NRDE2: variants seen among roughly 807,000 people sequenced by gnomAD.
The protein encoded by NRDE2 is NRDE-2, necessary for RNA interference, domain containing.
A neutral mutation model predicts 124.2 loss-of-function variants in NRDE2; 76 were observed. The ratio of observed to expected loss-of-function variants is 0.61; its 90% CI spans 0.51 to 0.74. The LOEUF is 0.74. Among genes scored for constraint, NRDE2 ranks in the 30% least tolerant of loss-of-function variants. NRDE2 has a pLI of 0.00. For missense variants in NRDE2, 1,314 were observed against 1,417.3 expected (o/e 0.93, Z 1.17); for synonymous variants, 489 against 528.1 (o/e 0.93, Z 1.01).
At chr14:90,309,598 C>T (rs567183303) in intron 4 of NRDE2, among the ~76,000 whole-genome samples, 7 of 152,286 alleles carry the variant, frequency 4.6e-5, no homozygotes, top group Admixed American at 4.6e-4. Context: ...CACACAGACT[C>T]CATCTGGGGG....
rs1270606628 is a variant in NRDE2 at position 90,274,836 on chromosome 14, A to ACCCCCCCC, written c.*3499_*3500insGGGGGGGG. The ACCCCCCCC allele has an allele frequency of 1.0e-4, 6 of 59,236 alleles. No individual in the cohort carries two copies. The highest frequency in any genetic ancestry group is 2.3e-4 in the Non-Finnish European group (6 of 26,642). The allele number at this position is 59,236 out of a possible 1,614,324, so 3.7% of individuals were successfully genotyped here. On this transcript the variant is annotated 3_prime_UTR_variant, in exon 14 of 14. Coordinates refer to ENST00000354366, the MANE Select transcript of NRDE2 (RefSeq NM_017970.4). ...CACACACACACACACACACACACAC[A>ACCCCCCCC]CACCCCAATACATATGAATTGATCT...
intron 1 of NRDE2, among the ~76,000 whole-genome samples, chr14:90,325,780 G>A (rs551984569): frequency 6.6e-6 from 1 of 152,234 alleles, no homozygotes; most frequent in Admixed American, 6.5e-5. Flanking sequence ...GCCCGCCTTG[G>A]CCTCCCAAAG....
chr14:90,269,198 C>T lies in NRDE2; in HGVS notation c.*9138G>A, dbSNP rs1194399757. 1 of 569,564 alleles carries T rather than the reference C, an allele frequency of 1.8e-6. No homozygotes were observed. The highest frequency in any genetic ancestry group is 3.2e-5 in the Admixed American group (1 of 31,662). The allele number at this position is 569,564 out of a possible 1,614,324, so 35.3% of individuals were successfully genotyped here. On this transcript the variant is annotated 3_prime_UTR_variant, in exon 14 of 14. Coordinates refer to ENST00000354366, the MANE Select transcript of NRDE2 (RefSeq NM_017970.4). ...ACACAGTAGGGATTAAGTTTCAACA[C>T]ATAAATTTGGGGAAATACATTCAGA... is the stretch of plus-strand genomic sequence containing the variant.
intron 1 of NRDE2, among the ~76,000 whole-genome samples, chr14:90,321,903 T>C (rs1885260221): frequency 6.6e-6 from 1 of 152,132 alleles, no homozygotes; most frequent in African/African-American, 2.4e-5. Flanking sequence ...GCTCTCTAGT[T>C]GGGAGTTCAG....
At position 90,288,338 on chromosome 14, in the gene NRDE2, T is replaced by C. The variant is rs554902904; in HGVS notation, c.3037A>G (p.Ser1013Gly). ...AAAAATCTCCTGGTTTTGCTGGCAC[T>C]GTGGGACTTATTCTGAATCTGTACA... ...SYVQIQNKSH[S>G]ASKTRRFFDT... The change falls in exon 11 of 14, where the codon AGT becomes GGT. Residue 1013 changes from serine to glycine, a missense_variant. Coordinates refer to ENST00000354366, the MANE Select transcript of NRDE2 (RefSeq NM_017970.4). The C allele has an allele frequency of 6.2e-7, 1 of 1,614,224 alleles. No homozygotes were observed. Among genetic ancestry groups the C allele is most frequent in the Admixed American group, 1.7e-5 (1 of 60,020 alleles).
chr14:90,315,306 G>C (rs1885004777), intron 3 of NRDE2, among the ~76,000 whole-genome samples: 1 of 151,906 alleles, frequency 6.6e-6, no homozygotes, highest in South Asian at 2.1e-4. Flanking sequence ...GGGAGGCGGA[G>C]GTTGCAGTGA....
At chr14:90,282,477 CAA>C (rs112128427) in intron 12 of NRDE2, among the ~76,000 whole-genome samples, 1 of 135,234 alleles carries the variant, frequency 7.4e-6, no homozygotes, top group Admixed American at 7.4e-5. Flanking sequence ...GACCCTATCT[CAA>C]AAAAAAAAAA....
At chr14:90,310,670 A>C (rs1385790397) in intron 4 of NRDE2, among the ~76,000 whole-genome samples, 2 of 152,034 alleles carry the variant, frequency 1.3e-5, no homozygotes, top group Non-Finnish European at 2.9e-5. Context: ...CAGGCATGTG[A>C]CAACATGCCC....
intron 6 of NRDE2, 141 bp from the exon 7 acceptor site, chr14:90,301,513 G>A (rs1282585236): frequency 4.2e-6 from 3 of 716,620 alleles, no homozygotes; most frequent in Middle Eastern, 2.6e-4. Flanking sequence ...TGTGATACAT[G>A]TCTTGATTTA....
chr14:90,279,056 A>G lies in NRDE2; in HGVS notation c.3369+6T>C. Reference sequence around the variant, plus strand: ...AGCTGAAGACACCATGGCCTTTAACACTTACCTTTGCCCAAGGGCAATTCT... The same window carrying G: ...AGCTGAAGACACCATGGCCTTTAACGCTTACCTTTGCCCAAGGGCAATTCT... On this transcript the variant is annotated splice_donor_region_variant and intron_variant, in intron 13 of 13. Coordinates refer to ENST00000354366, the MANE Select transcript of NRDE2 (RefSeq NM_017970.4). 6.2e-7 allele frequency: 1 copy of G among 1,603,414 alleles called. No homozygotes were observed.
At chr14:90,320,270 GA>G (rs1364792400) in intron 1 of NRDE2, among the ~76,000 whole-genome samples, 1 of 152,202 alleles carries the variant, frequency 6.6e-6, no homozygotes, top group Non-Finnish European at 1.5e-5. Context: ...GAGGCCTCAG[GA>G]AACTTACAAT....
rs975546360 is a variant in NRDE2, at chr14:90,288,812, C to T, written c.2563G>A (p.Glu855Lys). 2 of 1,614,144 alleles carry T rather than the reference C, an allele frequency of 1.2e-6. No individual in the cohort carries two copies. The highest frequency in any genetic ancestry group is 4.5e-5 in the East Asian group (2 of 44,876). Residue 855 changes from glutamate (E) to lysine (K), a missense_variant, in exon 11 of 14, where the codon GAG becomes AAG. Transcript: ENST00000354366. ...RAVHILTKLT[E>K]SSPYGPYTGQ... Reference sequence around the variant, plus strand: ...GTGTAGGGCCCATAGGGGCTGCTCTCAGTCAGCTTGGTTAATATGTGAACA... The same window carrying T: ...GTGTAGGGCCCATAGGGGCTGCTCTTAGTCAGCTTGGTTAATATGTGAACA...
intron 13 of NRDE2, 145 bp downstream of exon 13, chr14:90,278,917 C>T: frequency 1.5e-6 from 1 of 688,232 alleles, no homozygotes; most frequent in Non-Finnish European, 2.6e-6. Flanking sequence ...CAGGAAAAGG[C>T]TCTGGATGTA....
rs1049856458 is a variant in NRDE2 at position 90,296,287 on chromosome 14, A to G, written c.1666+1973T>C. Among the ~76,000 whole-genome samples the G allele has an allele frequency of 2.0e-5, 3 of 152,224 alleles. No homozygotes were observed. The South Asian group carries it at 6.2e-4, about 31-fold the overall frequency. ...GGCCTTTGCTTATGCGGTCTTGCAG[A>G]CTCAGTGGCTGAGTGCAATACCTAC... On this transcript the variant is annotated intron_variant, in intron 8 of 13. Coordinates refer to ENST00000354366, the MANE Select transcript of NRDE2 (RefSeq NM_017970.4).
rs374211683 is a variant in NRDE2 at position 90,316,494 on chromosome 14, T to C, written c.407+84A>G. On this transcript the variant is annotated intron_variant, in intron 3 of 13. Coordinates refer to ENST00000354366, the MANE Select transcript of NRDE2 (RefSeq NM_017970.4). ...TTCCGACTGAGTGACTAAATGGTTA[T>C]TCAAATATCTAATTTGCGGCAACAA... The C allele has an allele frequency of 6.4e-6, 6 of 943,882 alleles. No individual in the cohort carries two copies. In the Admixed American group the frequency reaches 1.3e-4, roughly 21 times the overall value. 58.5% of individuals were successfully genotyped at this position (943,882 alleles called of 1,614,324 possible). A position where few individuals can be genotyped will look rare whatever the true frequency, so the allele number is the denominator to read the frequency against.
intron 5 of NRDE2, among the ~76,000 whole-genome samples, 191 bp downstream of exon 5, chr14:90,303,744 A>G (rs1168685372): frequency 3.3e-5 from 5 of 152,180 alleles, no homozygotes; most frequent in African/African-American, 7.2e-5. Context: ...CCCAGGGTGC[A>G]CTTATTCTTC....
intron 2 of NRDE2, chr14:90,317,664 T>G (rs1885094366): frequency 5.8e-6 from 1 of 172,652 alleles, no homozygotes; most frequent in African/African-American, 2.4e-5. Context: ...GCTCCCTCTC[T>G]ATTTTTACAA....
intron 1 of NRDE2, among the ~76,000 whole-genome samples, chr14:90,328,081 TGC>T (rs1885513657): frequency 6.6e-6 from 1 of 151,332 alleles, no homozygotes; most frequent in African/African-American, 2.4e-5. Context: ...AGGCGGAGCT[TGC>T]AGTGAGCCAA....
chr14:90,270,298 A>T lies in NRDE2; in HGVS notation c.*8038T>A. 1 of 1,613,794 alleles carries T rather than the reference A, an allele frequency of 6.2e-7. No individual in the cohort carries two copies. Among genetic ancestry groups the T allele is most frequent in the South Asian group, 1.1e-5 (1 of 91,066 alleles). ...GCAGGATGACGCTGGCTGATGATGT[A>T]ACCCTGGACGACCTGATCATGGCTA... On this transcript the variant is annotated 3_prime_UTR_variant, in exon 14 of 14. Coordinates refer to ENST00000354366, the MANE Select transcript of NRDE2 (RefSeq NM_017970.4).
Sources: gnomAD v4.1 joint callset for allele counts (sites outside exome capture counted in the v4.1 genomes callset) on GRCh38, gnomAD v4.1.1 for gene constraint, MANE v1.5 for transcripts, NCBI Gene and HGNC (gene_info 2026-07-23, HGNC 2026-07-21) for gene names.